Variants in SLC38A12 observed in about 807,000 individuals in gnomAD.
SLC38A12 encodes solute carrier family 38 member 12.
At chr17:74,781,525 A>G in the SLC38A12 span, among the ~76,000 whole-genome samples, 21 of 152,182 alleles carry the variant, frequency 1.4e-4, no homozygotes, top group African/African-American at 5.1e-4. Context: ...GACTCAAGCC[A>G]TCCTCCCACC....
the SLC38A12 span, among the ~76,000 whole-genome samples, chr17:74,817,925 A>C: frequency 2.6e-5 from 4 of 151,910 alleles, no homozygotes; most frequent in African/African-American, 9.7e-5. Context: ...CTACCCAAAC[A>C]CCCGGGCACA....
the SLC38A12 span, chr17:74,838,183 C>T: frequency 8.1e-6 from 8 of 985,556 alleles, no homozygotes; most frequent in Middle Eastern, 5.2e-4. Flanking sequence ...GGCCTCAGCC[C>T]GCTTTCTCTG....
At chr17:74,838,371 C>A in the SLC38A12 span, 4 of 996,828 alleles carry the variant, frequency 4.0e-6, no homozygotes, top group Non-Finnish European at 4.8e-6. Flanking sequence ...CTGGCTGCCC[C>A]ACTGTGGCTG....
At chr17:74,790,841 G>C in the SLC38A12 span, 1 of 811,168 alleles carries the variant, frequency 1.2e-6, no homozygotes, top group Non-Finnish European at 1.9e-6. Context: ...AAGTTTTCTC[G>C]AGTTTGGACA....
chr17:74,822,683 G>C, the SLC38A12 span, among the ~76,000 whole-genome samples: 1 of 152,232 alleles, frequency 6.6e-6, no homozygotes, highest in Admixed American at 6.5e-5. Context: ...AAACCTTTCT[G>C]TGGCACAGCC....
the SLC38A12 span, among the ~76,000 whole-genome samples, chr17:74,823,813 C>A: frequency 2.0e-5 from 3 of 152,280 alleles, no homozygotes; most frequent in African/African-American, 7.2e-5. Context: ...CACGCCGGAC[C>A]TCCTTGCCTT....
chr17:74,819,871 T>C, the SLC38A12 span: 2 of 1,592,608 alleles, frequency 1.3e-6, no homozygotes, highest in Non-Finnish European at 1.7e-6. Context: ...CTCGAGTCTC[T>C]GCGCTTTCTC....
At chr17:74,835,925 A>G in the SLC38A12 span, 9 of 1,594,812 alleles carry the variant, frequency 5.6e-6, no homozygotes, top group Non-Finnish European at 7.7e-6. Flanking sequence ...CTCGTTTCCC[A>G]GCTTTCGCCG....
chr17:74,787,538 C>T, the SLC38A12 span, among the ~76,000 whole-genome samples: 3 of 151,136 alleles, frequency 2.0e-5, no homozygotes, highest in East Asian at 6.0e-4. Context: ...AGGAGAATGG[C>T]GTGAACCCGG....
chr17:74,797,565 T>G, the SLC38A12 span, among the ~76,000 whole-genome samples: 1 of 152,218 alleles, frequency 6.6e-6, no homozygotes, highest in African/African-American at 2.4e-5. Context: ...CTACCCAGTT[T>G]GGAGAAATCA....
At chr17:74,810,590 G>A in the SLC38A12 span, among the ~76,000 whole-genome samples, 1 of 152,222 alleles carries the variant, frequency 6.6e-6, no homozygotes, top group Non-Finnish European at 1.5e-5. Context: ...GGCACTGTCT[G>A]TCATGCTTGC....
chr17:74,791,062 G>A, the SLC38A12 span: 102 of 1,602,966 alleles, frequency 6.4e-5, no homozygotes, highest in Non-Finnish European at 8.4e-5. Context: ...GGGGTGGGGT[G>A]TGGGGAAACG....
the SLC38A12 span, among the ~76,000 whole-genome samples, chr17:74,799,661 A>G: frequency 6.6e-6 from 1 of 152,120 alleles, no homozygotes; most frequent in African/African-American, 2.4e-5. Flanking sequence ...TCAGGTTGAC[A>G]CCGGAAGGGT....
chr17:74,819,805 A>C, the SLC38A12 span: 1 of 1,614,110 alleles, frequency 6.2e-7, no homozygotes, highest in East Asian at 2.2e-5. Flanking sequence ...CAGAAGACCA[A>C]GTACCTGCAG....
At chr17:74,780,472 A>G in the SLC38A12 span, among the ~76,000 whole-genome samples, 1 of 152,202 alleles carries the variant, frequency 6.6e-6, no homozygotes, top group African/African-American at 2.4e-5. Flanking sequence ...GGTCTTCATT[A>G]TCAAGACTGC....
the SLC38A12 span, among the ~76,000 whole-genome samples, chr17:74,778,844 A>G: frequency 9.9e-5 from 15 of 151,584 alleles, no homozygotes; most frequent in East Asian, 3.9e-4. Context: ...AATTTTTTGT[A>G]TTTAGTAGAG....
At chr17:74,794,760 C>A in the SLC38A12 span, among the ~76,000 whole-genome samples, 1 of 152,084 alleles carries the variant, frequency 6.6e-6, no homozygotes, top group Non-Finnish European at 1.5e-5. Context: ...TCTCTCTGAT[C>A]CTCCCAGCCT....
At chr17:74,791,567 T>A in the SLC38A12 span, among the ~76,000 whole-genome samples, 180 of 152,392 alleles carry the variant, frequency 1.2e-3, no homozygotes, top group Middle Eastern at 6.8e-3. Context: ...GACCTTGCCC[T>A]CTTCTGGCCG....
chr17:74,786,638 G>A, the SLC38A12 span, among the ~76,000 whole-genome samples: 1 of 152,194 alleles, frequency 6.6e-6, no homozygotes, highest in Non-Finnish European at 1.5e-5. Flanking sequence ...GAAGGGGGAG[G>A]GAGTGGGTGC....
Sources: allele counts gnomAD v4.1 joint callset (sites outside exome capture counted in the v4.1 genomes callset), GRCh38; gene constraint gnomAD v4.1.1; transcripts MANE v1.5; gene names NCBI Gene and HGNC (gene_info 2026-07-23, HGNC 2026-07-21).